FRMD6: variants seen among roughly 807,000 people sequenced by gnomAD.
The protein encoded by FRMD6 is FERM domain-containing protein 6.
Under a neutral mutation model 73.2 loss-of-function variants are expected in FRMD6, and 37 were observed. The ratio of observed to expected loss-of-function variants is 0.51; its 90% CI spans 0.39 to 0.66. The LOEUF (loss-of-function observed/expected upper bound fraction) is 0.66, where lower values mean the gene tolerates loss of function less well. Among genes scored for constraint, FRMD6 ranks in the 30% least tolerant of loss-of-function variants. FRMD6 has a pLI of 0.00. For missense variants in FRMD6, 714 were observed against 780.5 expected (o/e 0.91, Z 1.02); for synonymous variants, 273 against 282.2 (o/e 0.97, Z 0.33).
At chr14:51,703,175 C>T (rs1385200053) in intron 5 of FRMD6, among the ~76,000 whole-genome samples, 1 of 151,984 alleles carries the variant, frequency 6.6e-6, no homozygotes, top group Non-Finnish European at 1.5e-5. Flanking sequence ...GATTCTTTTT[C>T]TGGAGGTGTG....
At chr14:51,603,567 A>G (rs557582057) in intron 2 of FRMD6, among the ~76,000 whole-genome samples, 6 of 152,352 alleles carry the variant, frequency 3.9e-5, no homozygotes, top group East Asian at 1.9e-4. Context: ...AGAAAAAAAT[A>G]GAACAAAATT....
At chr14:51,466,057 T>C in the FRMD6 span, among the ~76,000 whole-genome samples, 7 of 151,862 alleles carry the variant, frequency 4.6e-5, no homozygotes, top group African/African-American at 1.7e-4. Flanking sequence ...AATAACAATC[T>C]TGAACATCTT....
chr14:51,430,782 T>C, the FRMD6 span, among the ~76,000 whole-genome samples: 3 of 152,182 alleles, frequency 2.0e-5, no homozygotes, highest in Non-Finnish European at 4.4e-5. Context: ...AGCATGAGCA[T>C]TACCATTTGT....
chr14:51,715,244 C>T (rs1359543232), intron 9 of FRMD6, 81 bp from the exon 10 acceptor site: 8 of 1,057,912 alleles, frequency 7.6e-6, no homozygotes, highest in Non-Finnish European at 1.1e-5. Context: ...TATAATTTTC[C>T]TTACTAAATA....
intron 2 of FRMD6, among the ~76,000 whole-genome samples, chr14:51,582,730 G>A (rs1010769402): frequency 2.6e-5 from 4 of 152,180 alleles, no homozygotes; most frequent in Admixed American, 2.6e-4. Context: ...GTTTGACTTG[G>A]TGGTGAGAAA....
chr14:51,696,425 T>C (rs1367267289), intron 2 of FRMD6, among the ~76,000 whole-genome samples: 2 of 151,062 alleles, frequency 1.3e-5, no homozygotes, highest in Non-Finnish European at 1.5e-5. Context: ...GTATGAGTTA[T>C]TATTTATAAT....
intron 2 of FRMD6, among the ~76,000 whole-genome samples, chr14:51,588,924 C>T (rs1889214169): frequency 6.6e-6 from 1 of 152,188 alleles, no homozygotes; most frequent in Non-Finnish European, 1.5e-5. Context: ...TGCCATGTCA[C>T]TGAGTGGTGA....
the FRMD6 span, among the ~76,000 whole-genome samples, chr14:51,404,295 T>G: frequency 3.3e-5 from 5 of 152,288 alleles, no homozygotes; most frequent in African/African-American, 1.2e-4. Flanking sequence ...ATTAAAAGTA[T>G]GTCAGTTGTA....
chr14:51,707,701 G>A (rs1896701110), intron 6 of FRMD6, among the ~76,000 whole-genome samples: 1 of 152,148 alleles, frequency 6.6e-6, no homozygotes, highest in African/African-American at 2.4e-5. Flanking sequence ...ACCTGAAGAT[G>A]TGCCTACTAT....
At chr14:51,685,776 C>T (rs1454102372) in intron 1 of FRMD6, among the ~76,000 whole-genome samples, 4 of 151,952 alleles carry the variant, frequency 2.6e-5, no homozygotes, top group Non-Finnish European at 5.9e-5. Flanking sequence ...TGTGATATGT[C>T]CTTAACTAGA....
chr14:51,437,156 C>A, the FRMD6 span, among the ~76,000 whole-genome samples: 1 of 152,130 alleles, frequency 6.6e-6, no homozygotes, highest in African/African-American at 2.4e-5. Flanking sequence ...CCCCGACAGG[C>A]CCCGGTGTGT....
the FRMD6 span, among the ~76,000 whole-genome samples, chr14:51,462,368 GA>G: frequency 6.6e-6 from 1 of 152,214 alleles, no homozygotes; most frequent in African/African-American, 2.4e-5. Flanking sequence ...TACGTGGTAA[GA>G]AATTATATGG....
At chr14:51,652,567 A>G (rs943768183) in intron 1 of FRMD6, among the ~76,000 whole-genome samples, 5 of 152,220 alleles carry the variant, frequency 3.3e-5, no homozygotes, top group Non-Finnish European at 5.9e-5. Context: ...GGCTGCGGGA[A>G]GGGACCCGAG....
intron 4 of FRMD6, 43 bp from the exon 5 acceptor site, chr14:51,702,469 T>C (rs376875420): frequency 6.5e-7 from 1 of 1,535,632 alleles, no homozygotes. Context: ...ATTTTCAAAG[T>C]AACTAGAAAT....
At chr14:51,586,096 A>G (rs2139692858) in intron 2 of FRMD6, among the ~76,000 whole-genome samples, 1 of 151,426 alleles carries the variant, frequency 6.6e-6, no homozygotes, top group Admixed American at 6.6e-5. Context: ...TTGGGTATAC[A>G]CCCAGTCATG....
At chr14:51,481,593 G>A in the FRMD6 span, among the ~76,000 whole-genome samples, 35 of 152,342 alleles carry the variant, frequency 2.3e-4, no homozygotes, top group African/African-American at 8.4e-4. Context: ...ACGGTGTAAA[G>A]GACACAGACA....
At chr14:51,543,717 C>T (rs1886319153) in intron 1 of FRMD6, among the ~76,000 whole-genome samples, 1 of 151,946 alleles carries the variant, frequency 6.6e-6, no homozygotes, top group Non-Finnish European at 1.5e-5. Context: ...TGTGAGATCA[C>T]AAAAGAAAGA....
At chr14:51,606,758 A>G (rs1890275014) in intron 2 of FRMD6, among the ~76,000 whole-genome samples, 1 of 152,106 alleles carries the variant, frequency 6.6e-6, no homozygotes, top group Non-Finnish European at 1.5e-5. Flanking sequence ...CACGCCATAC[A>G]CAAGCTGGAG....
the FRMD6 span, among the ~76,000 whole-genome samples, chr14:51,412,084 G>A: frequency 7.4e-5 from 10 of 135,062 alleles, no homozygotes; most frequent in Non-Finnish European, 1.2e-4. Flanking sequence ...CAGTTGGCAC[G>A]TTATATAGTT....
Sources: gnomAD v4.1 joint callset for allele counts (sites outside exome capture counted in the v4.1 genomes callset) on GRCh38, gnomAD v4.1.1 for gene constraint, MANE v1.5 for transcripts, NCBI Gene and HGNC (gene_info 2026-07-23, HGNC 2026-07-21) for gene names.